The following RHBDF2 variants were observed in gnomAD, a reference collection of about 807,000 sequenced individuals.
The protein encoded by RHBDF2 is rhomboid 5 homolog 2.
Under a neutral mutation model 95.2 loss-of-function variants are expected in RHBDF2, and 38 were observed. The observed-to-expected ratio is 0.40, with a 90% CI of 0.31 to 0.52. RHBDF2 has a LOEUF of 0.52. RHBDF2 is among the 20% of genes least tolerant of loss of function. The probability of loss-of-function intolerance (pLI) is 0.56; values close to 1 mark genes in which losing one functional copy is unlikely to be tolerated. For synonymous variants in RHBDF2, 442 were observed against 462.0 expected, an observed-to-expected ratio of 0.96 and a Z score of 0.55; for missense variants, 863 against 1,137.7, an observed-to-expected ratio of 0.76 and a Z score of 3.47.
At chr17:76,496,239 T>C (rs1000458332) in intron 1 of RHBDF2, among the ~76,000 whole-genome samples, 5 of 152,224 alleles carry the variant, frequency 3.3e-5, no homozygotes, top group African/African-American at 4.8e-5. Flanking sequence ...CTTTTATTCC[T>C]GGCTGAGCTC....
intron 1 of RHBDF2, among the ~76,000 whole-genome samples, chr17:76,493,888 G>A (rs1010534886): frequency 1.2e-4 from 18 of 152,254 alleles, no homozygotes; most frequent in African/African-American, 4.3e-4. Flanking sequence ...CCCCTCCAGG[G>A]CTTGCCTCGA....
intron 2 of RHBDF2, among the ~76,000 whole-genome samples, chr17:76,484,195 A>G (rs1039308926): frequency 2.6e-5 from 4 of 152,084 alleles, no homozygotes; most frequent in Admixed American, 1.3e-4. Flanking sequence ...CCCGGGAGGC[A>G]GAGGTTGCAG....
In RHBDF2 at chr17:76,482,319, G is replaced by C. The variant is rs115722379; in HGVS notation, c.-21-774C>G. 3.9e-3 allele frequency among the ~76,000 whole-genome samples: 593 copies of C among 152,082 alleles called. 2 individuals are homozygous for C. Among genetic ancestry groups the C allele is most frequent in the African/African-American group, 0.013 (555 of 41,496 alleles). On this transcript the variant is annotated intron_variant, in intron 2 of 18. Coordinates refer to ENST00000675367, the MANE Select transcript of RHBDF2 (RefSeq NM_001005498.4). ...GGTCCCTGTCCCCCAAGGCCACCCA[G>C]TTTATTTTTCTTGTCTTTTTTCTGT...
chr17:76,489,305 C>T (rs1471544654), intron 1 of RHBDF2, among the ~76,000 whole-genome samples: 2 of 148,270 alleles, frequency 1.3e-5, no homozygotes, highest in South Asian at 2.1e-4. Flanking sequence ...TTTTAAAGCA[C>T]GAAACCCAGG....
Position 76,473,893 on chromosome 17 carries a change from C to T in RHBDF2, c.1584G>A (p.Glu528=). The T allele has an allele frequency of 6.2e-7, 1 of 1,613,990 alleles. No individual in the cohort carries two copies. Among genetic ancestry groups the T allele is most frequent in the East Asian group, 2.2e-5 (1 of 44,878 alleles). The part of the protein sequence containing the change: ...AVCHQDPRTC[E]EPASSGAHIW... Reference sequence around the variant, plus strand: ...TGTGGGCACCGCTGGAGGCTGGCTCCTCGCAGGTCCTGGAGACAGGGTTCA... The same window carrying T: ...TGTGGGCACCGCTGGAGGCTGGCTCTTCGCAGGTCCTGGAGACAGGGTTCA... Residue 528 remains glutamate, a synonymous_variant, in exon 14 of 19, where the codon GAG becomes GAA. Coordinates refer to ENST00000675367, the MANE Select transcript of RHBDF2 (RefSeq NM_001005498.4).
At chr17:76,491,074 AG>A (rs2074286648) in intron 1 of RHBDF2, among the ~76,000 whole-genome samples, 1 of 152,146 alleles carries the variant, frequency 6.6e-6, no homozygotes, top group Non-Finnish European at 1.5e-5. Context: ...CAGCTGGTCC[AG>A]GAAGCAGCCC....
At chr17:76,479,453 G>T in intron 4 of RHBDF2, 176 bp from the exon 5 acceptor site, 2 of 987,534 alleles carry the variant, frequency 2.0e-6, no homozygotes, top group African/African-American at 1.6e-5. Flanking sequence ...AGCAGGGGAT[G>T]ACGGGAGCGT....
chr17:76,501,341 C>T lies in RHBDF2; in HGVS notation c.-220+12G>A, dbSNP rs1014348759. On this transcript the variant is annotated intron_variant, in intron 1 of 18. Transcript: ENST00000675367. ...GCCGTGAGTCCTGCCCCGCTCGTCG[C>T]CCCGCGCTCACCTCCCTGCGGCCCC... The T allele has an allele frequency of 1.4e-4, 21 of 152,168 alleles. No homozygotes were observed. Among genetic ancestry groups the T allele is most frequent in the Non-Finnish European group, 2.8e-4 (19 of 68,074 alleles). The allele number at this position is 152,168 out of a possible 1,614,324, so 9.4% of individuals were successfully genotyped here.
At chr17:76,483,483 C>T (rs1046967909) in intron 2 of RHBDF2, among the ~76,000 whole-genome samples, 1 of 152,090 alleles carries the variant, frequency 6.6e-6, no homozygotes, top group Non-Finnish European at 1.5e-5. Context: ...TGGGGTTTCT[C>T]CATGTTGGTC....
At chr17:76,477,101 C>G in intron 8 of RHBDF2, 77 bp from the exon 9 acceptor site, 11 of 1,610,702 alleles carry the variant, frequency 6.8e-6, no homozygotes, top group South Asian at 2.2e-5. Context: ...TCAGAAGGGG[C>G]TTGGGGGCCA....
chr17:76,498,789 A>AGTGTGTGTGTGTGTGTGTGTGTGTGT (rs60130089), intron 1 of RHBDF2, among the ~76,000 whole-genome samples: 1 of 143,772 alleles, frequency 7.0e-6, no homozygotes, highest in Non-Finnish European at 1.5e-5. Context: ...AGAGAAAGAG[A>AGTGTGTGTGTGTGTGTGTGTGTGTGT]GTGTGTGTGT....
At chr17:76,477,984 C>T (rs903347427) in intron 6 of RHBDF2, among the ~76,000 whole-genome samples, 199 bp from the exon 7 acceptor site, 19 of 152,258 alleles carry the variant, frequency 1.2e-4, no homozygotes, top group African/African-American at 4.3e-4. Flanking sequence ...AAATGAGACA[C>T]CAGCTTCCGT....
chr17:76,498,825 AGTCTGTGTGT>A (rs1567894654), intron 1 of RHBDF2, among the ~76,000 whole-genome samples: 6 of 61,980 alleles, frequency 9.7e-5, no homozygotes, highest in South Asian at 8.9e-4. Flanking sequence ...TGTGTGTGTG[AGTCTGTGTGT>A]GTCTGTGTGT....
rs779470564 is a variant in RHBDF2 at position 76,473,232 on chromosome 17, C to G, written c.1809+20G>C. 6.2e-7 allele frequency: 1 copy of G among 1,610,104 alleles called. No homozygotes were observed. Among genetic ancestry groups the G allele is most frequent in the Non-Finnish European group, 8.5e-7 (1 of 1,177,736 alleles). ...GCCCAGCGTCCTCTCCTCCACTACT[C>G]CAGGCCTGCCTCGCCTCACCTGGGA... is the stretch of plus-strand genomic sequence containing the variant. On this transcript the variant is annotated intron_variant, in intron 16 of 18. Coordinates refer to ENST00000675367, the MANE Select transcript of RHBDF2 (RefSeq NM_001005498.4).
chr17:76,491,366 T>C (rs866127920), intron 1 of RHBDF2, among the ~76,000 whole-genome samples: 1 of 152,004 alleles, frequency 6.6e-6, no homozygotes, highest in African/African-American at 2.4e-5. Flanking sequence ...AACCTCCTGA[T>C]GAGAGAGGCT....
chr17:76,474,780 C>T lies in RHBDF2; in HGVS notation c.1252G>A (p.Glu418Lys), dbSNP rs750774963. 8 of 1,614,168 alleles carry T rather than the reference C, an allele frequency of 5.0e-6. No homozygotes were observed. Among genetic ancestry groups the T allele is most frequent in the East Asian group, 2.2e-5 (1 of 44,876 alleles). The change falls in exon 11 of 19, where the codon GAG (glutamate) becomes AAG (lysine). Residue 418 changes from glutamate to lysine, a missense_variant. By Grantham distance (56) the Glu-to-Lys change is moderately conservative. Around this residue, in one of 2 missense-constraint regions of RHBDF2, gnomAD observed 611 missense variants for 725.5 expected, o/e 0.84. Transcript: ENST00000675367. ...TCCTGCTGGATGTACTTCACGCTCT[C>T]GTACACACCTTTGTTCCGCAGCACC... is the stretch of plus-strand genomic sequence containing the variant. ...QLVLRNKGVYESVKYIQQENF... is the reference protein window; with the variant it reads ...QLVLRNKGVYKSVKYIQQENF...
chr17:76,492,879 G>A (rs1025747553), intron 1 of RHBDF2, among the ~76,000 whole-genome samples: 5 of 152,188 alleles, frequency 3.3e-5, no homozygotes, highest in African/African-American at 1.2e-4. Flanking sequence ...CAGGCCCTTG[G>A]ATAAGAAGTA....
intron 2 of RHBDF2, among the ~76,000 whole-genome samples, chr17:76,484,824 T>C (rs1414644306): frequency 6.6e-6 from 1 of 152,098 alleles, no homozygotes; most frequent in Admixed American, 6.6e-5. Context: ...GTGGGGTTCA[T>C]GATCAAAAGC....
chr17:76,498,789 AGT>A (rs60130089), intron 1 of RHBDF2, among the ~76,000 whole-genome samples: 16,526 of 143,664 alleles, frequency 0.12, 970 homozygotes, highest in Middle Eastern at 0.17. Context: ...AGAGAAAGAG[AGT>A]GTGTGTGTGT....
Sources: allele counts gnomAD v4.1 joint callset (sites outside exome capture counted in the v4.1 genomes callset), GRCh38; gene constraint gnomAD v4.1.1; regional missense constraint gnomAD v4.1.1; transcripts MANE v1.5; gene names NCBI Gene and HGNC (gene_info 2026-07-23, HGNC 2026-07-21).